IL1RAPL2: variants seen among roughly 807,000 people sequenced by gnomAD.
IL1RAPL2 encodes the protein X-linked interleukin-1 receptor accessory protein-like 2.
IL1RAPL2 carries 3 observed loss-of-function variants against 44.1 expected under a neutral mutation model. That is an observed-to-expected ratio of 0.07 (90% CI 0.03 to 0.18). The LOEUF (loss-of-function observed/expected upper bound fraction) is 0.18, where lower values mean the gene tolerates loss of function less well. Among genes scored for constraint, IL1RAPL2 ranks in the 10% least tolerant of loss-of-function variants. The probability of loss-of-function intolerance (pLI) is 1.00; values close to 1 mark genes in which losing one functional copy is unlikely to be tolerated. For synonymous variants in IL1RAPL2, 181 were observed against 178.8 expected, an observed-to-expected ratio of 1.01 and a Z score of -0.10; for missense variants, 391 against 496.4, an observed-to-expected ratio of 0.79 and a Z score of 2.02.
chrX:104,992,732 T>C (rs6621894), intron 2 of IL1RAPL2, among the ~76,000 whole-genome samples: 1,217 of 110,741 alleles, frequency 0.011, 19 homozygotes, highest in African/African-American at 0.038. Flanking sequence ...GAGATTTAAC[T>C]TTTTTCATTC....
At chrX:105,700,802 T>C (rs758509369) in intron 6 of IL1RAPL2, among the ~76,000 whole-genome samples, 1 of 111,728 alleles carries the variant, frequency 9.0e-6, no homozygotes, top group African/African-American at 3.2e-5. Context: ...TTAATGATCA[T>C]GTTGATTTGA....
intron 6 of IL1RAPL2, among the ~76,000 whole-genome samples, chrX:105,665,357 G>GTGTGTGTGTGTGTGTT (rs2037752865): frequency 9.1e-6 from 1 of 110,277 alleles, no homozygotes; most frequent in Non-Finnish European, 1.9e-5. Context: ...GTGTGTGTGT[G>GTGTGTGTGTGTGTGTT]TGTGTGTGTG....
intron 2 of IL1RAPL2, among the ~76,000 whole-genome samples, chrX:105,026,272 A>T (rs1172305197): frequency 9.0e-6 from 1 of 110,811 alleles, no homozygotes; most frequent in Non-Finnish European, 1.9e-5. Flanking sequence ...TGGATTTTTT[A>T]AAATTTTGGA....
chrX:105,126,602 A>T (rs549375505), intron 2 of IL1RAPL2, among the ~76,000 whole-genome samples: 4 of 111,484 alleles, frequency 3.6e-5, no homozygotes, highest in African/African-American at 1.3e-4. Flanking sequence ...TTTGTTAAGG[A>T]TTAAATAAAA....
intron 1 of IL1RAPL2, among the ~76,000 whole-genome samples, chrX:104,657,353 A>G (rs1399346203): frequency 1.8e-5 from 2 of 110,544 alleles, no homozygotes; most frequent in East Asian, 5.6e-4. Flanking sequence ...GACAAACCTG[A>G]CAAAAACAAG....
In IL1RAPL2 at chrX:104,757,029, GAGAA is replaced by G. The variant is rs1029068726; in HGVS notation, c.82+98038_82+98041del. On this transcript the variant is annotated intron_variant, in intron 2 of 10. Coordinates refer to ENST00000372582, the MANE Select transcript of IL1RAPL2 (RefSeq NM_017416.2). ...GTAAAAATCTTGGTCTTCTATCCAAGAGAAAGAGAGAGAGAGAGAGTGAAGCTCT... is the reference window on the plus strand; with the variant it reads ...GTAAAAATCTTGGTCTTCTATCCAAGAGAGAGAGAGAGAGAGTGAAGCTCT... Among the ~76,000 whole-genome samples the G allele has an allele frequency of 5.4e-5, 6 of 110,841 alleles. No individual in the cohort carries two copies. In the Admixed American group the frequency reaches 5.8e-4, roughly 11 times the overall value.
chrX:105,363,789 C>T (rs1249718038), intron 5 of IL1RAPL2, among the ~76,000 whole-genome samples: 1 of 110,099 alleles, frequency 9.1e-6, no homozygotes, highest in Non-Finnish European at 1.9e-5. Context: ...ATTTTTTAAA[C>T]CTGGTGATTT....
At chrX:104,871,647 G>A (rs1423243682) in intron 2 of IL1RAPL2, among the ~76,000 whole-genome samples, 7 of 110,848 alleles carry the variant, frequency 6.3e-5, no homozygotes, top group Non-Finnish European at 1.1e-4. Flanking sequence ...AATCCCCTGG[G>A]TAAGAGGGAC....
At chrX:105,713,207 G>A (rs1227717057) in intron 6 of IL1RAPL2, among the ~76,000 whole-genome samples, 4 of 111,503 alleles carry the variant, frequency 3.6e-5, no homozygotes, top group Non-Finnish European at 5.6e-5. Context: ...TCACAGATCC[G>A]CTAGGTAGTG....
chrX:105,072,982 T>G (rs1294568873), intron 2 of IL1RAPL2, among the ~76,000 whole-genome samples: 1 of 110,872 alleles, frequency 9.0e-6, no homozygotes, highest in Admixed American at 9.6e-5. Context: ...GGTGATGAAC[T>G]CATCCTTTTT....
intron 2 of IL1RAPL2, among the ~76,000 whole-genome samples, chrX:104,839,142 C>T (rs923963525): frequency 5.4e-5 from 6 of 110,346 alleles, no homozygotes; most frequent in South Asian, 3.9e-4. Flanking sequence ...AGCCACTGTG[C>T]CCGGCCCTCT....
chrX:105,489,384 C>T (rs773573842), intron 6 of IL1RAPL2, among the ~76,000 whole-genome samples: 1 of 111,805 alleles, frequency 8.9e-6, no homozygotes, highest in Non-Finnish European at 1.9e-5. Context: ...ACTTATTTTA[C>T]ACCTTTAATA....
intron 5 of IL1RAPL2, among the ~76,000 whole-genome samples, chrX:105,292,533 G>A (rs1339495673): frequency 8.9e-6 from 1 of 111,859 alleles, no homozygotes; most frequent in Non-Finnish European, 1.9e-5. Context: ...ATCACAACAG[G>A]TTGAATGTAG....
intron 2 of IL1RAPL2, among the ~76,000 whole-genome samples, chrX:104,998,012 A>T (rs1274745345): frequency 9.0e-6 from 1 of 111,302 alleles, no homozygotes; most frequent in Non-Finnish European, 1.9e-5. Flanking sequence ...CTGTGGGAAA[A>T]GACCATCACC....
At chrX:105,236,087 A>G (rs1339710903) in intron 4 of IL1RAPL2, among the ~76,000 whole-genome samples, 1 of 112,563 alleles carries the variant, frequency 8.9e-6, no homozygotes, top group African/African-American at 3.2e-5. Flanking sequence ...TTTTAATTTT[A>G]TGGTTGAGGA....
chrX:104,880,766 C>T (rs1923044313), intron 2 of IL1RAPL2, among the ~76,000 whole-genome samples: 1 of 112,308 alleles, frequency 8.9e-6, no homozygotes, highest in African/African-American at 3.2e-5. Flanking sequence ...ATTGTAGTAT[C>T]TTACAAATTA....
At chrX:105,429,017 C>A (rs2035830446) in intron 5 of IL1RAPL2, among the ~76,000 whole-genome samples, 1 of 111,299 alleles carries the variant, frequency 9.0e-6, no homozygotes, top group Non-Finnish European at 1.9e-5. Flanking sequence ...ATATCTTGAT[C>A]TGAAGCAAAA....
rs772041195 is a variant in IL1RAPL2, at chrX:105,442,328, T to C, written c.698-41985T>C. Among the ~76,000 whole-genome samples the C allele has an allele frequency of 6.7e-4, 75 of 111,217 alleles. 1 individual carries two copies. Among genetic ancestry groups the C allele is most frequent in the Admixed American group, 6.7e-3 (70 of 10,428 alleles). On this transcript the variant is annotated intron_variant, in intron 5 of 10. Transcript: ENST00000372582. ...ATCCACCCGCCTCAGCCTCCCAAAGTGCTGGGATTACAGGTGTGAGCCACC... is the reference window on the plus strand; with the variant it reads ...ATCCACCCGCCTCAGCCTCCCAAAGCGCTGGGATTACAGGTGTGAGCCACC...
chrX:105,679,026 C>CTTTT (rs745850163), intron 6 of IL1RAPL2, among the ~76,000 whole-genome samples: 1 of 94,943 alleles, frequency 1.1e-5, no homozygotes, highest in Non-Finnish European at 2.1e-5. Context: ...AAAAGTTTCT[C>CTTTT]TTTTTTTTTT....
Sources: gnomAD v4.1 joint callset for allele counts (sites outside exome capture counted in the v4.1 genomes callset) on GRCh38, gnomAD v4.1.1 for gene constraint, MANE v1.5 for transcripts, NCBI Gene and HGNC (gene_info 2026-07-23, HGNC 2026-07-21) for gene names.